Variants in CDKAL1 observed in about 807,000 individuals in gnomAD.
CDKAL1 encodes threonylcarbamoyladenosine tRNA methylthiotransferase.
A neutral mutation model predicts 68.2 loss-of-function variants in CDKAL1; 32 were observed. The ratio of observed to expected loss-of-function variants is 0.47; its 90% CI spans 0.35 to 0.63. The LOEUF is 0.63. CDKAL1 is among the 30% of genes least tolerant of loss of function. The pLI is 0.00. For missense variants in CDKAL1, 606 were observed against 696.7 expected, an observed-to-expected ratio of 0.87 and a Z score of 1.47; for synonymous variants, 234 against 244.3, an observed-to-expected ratio of 0.96 and a Z score of 0.39.
chr6:20,591,388 T>C (rs1765585682), intron 4 of CDKAL1, among the ~76,000 whole-genome samples: 1 of 152,200 alleles, frequency 6.6e-6, no homozygotes, highest in African/African-American at 2.4e-5. Flanking sequence ...TTGGCTTTTG[T>C]TGTCATTGCT....
chr6:20,862,395 A>T (rs1759678279), intron 9 of CDKAL1, among the ~76,000 whole-genome samples: 1 of 152,238 alleles, frequency 6.6e-6, no homozygotes, highest in East Asian at 1.9e-4. Context: ...ACTTACTCTT[A>T]TCCAACCTCA....
chr6:20,898,952 A>G (rs1761828829), intron 9 of CDKAL1, among the ~76,000 whole-genome samples: 2 of 152,112 alleles, frequency 1.3e-5, no homozygotes, highest in South Asian at 4.1e-4. Context: ...TTTTATTTGT[A>G]TAGAAATGGA....
At chr6:20,802,598 A>T (rs960887949) in intron 8 of CDKAL1, among the ~76,000 whole-genome samples, 2 of 152,160 alleles carry the variant, frequency 1.3e-5, no homozygotes, top group Non-Finnish European at 2.9e-5. Context: ...AAGAACATAT[A>T]TATGTTCTTC....
At chr6:20,935,313 G>T (rs571337764) in intron 9 of CDKAL1, among the ~76,000 whole-genome samples, 6 of 152,186 alleles carry the variant, frequency 3.9e-5, no homozygotes, top group African/African-American at 1.4e-4. Flanking sequence ...ATTATGATAG[G>T]CATAGTTTAC....
intron 5 of CDKAL1, among the ~76,000 whole-genome samples, chr6:20,676,904 T>A (rs1207463350): frequency 2.0e-5 from 3 of 152,054 alleles, no homozygotes; most frequent in Non-Finnish European, 4.4e-5. Context: ...GTAAGTACAC[T>A]TGAGGAATGA....
intron 8 of CDKAL1, among the ~76,000 whole-genome samples, chr6:20,843,911 C>T (rs1239037300): frequency 6.6e-6 from 1 of 152,068 alleles, no homozygotes; most frequent in Non-Finnish European, 1.5e-5. Context: ...GGGTGAATGC[C>T]AGTCATACGT....
chr6:20,986,095 C>G (rs1561938442), intron 10 of CDKAL1, among the ~76,000 whole-genome samples: 1 of 152,114 alleles, frequency 6.6e-6, no homozygotes. Context: ...TCAGATTTCT[C>G]TCTCCTGTTA....
chr6:20,921,978 T>A (rs1024506027), intron 9 of CDKAL1, among the ~76,000 whole-genome samples: 4 of 152,200 alleles, frequency 2.6e-5, no homozygotes, highest in African/African-American at 9.7e-5. Context: ...CTTAGTTTAT[T>A]TGTGTGCTGT....
At chr6:21,060,739 CT>C (rs998159873) in intron 11 of CDKAL1, among the ~76,000 whole-genome samples, 2 of 152,078 alleles carry the variant, frequency 1.3e-5, no homozygotes, top group East Asian at 1.9e-4. Context: ...TTTTTCTCCC[CT>C]ACCTACCTCA....
intron 12 of CDKAL1, among the ~76,000 whole-genome samples, chr6:21,088,748 T>A (rs929766581): frequency 6.6e-6 from 1 of 151,764 alleles, no homozygotes; most frequent in Non-Finnish European, 1.5e-5. Flanking sequence ...TCAAGACCAG[T>A]CTGGCCAATA....
chr6:20,774,957 T>G (rs1405881911), intron 7 of CDKAL1, among the ~76,000 whole-genome samples: 2 of 152,206 alleles, frequency 1.3e-5, no homozygotes, highest in African/African-American at 4.8e-5. Flanking sequence ...CAGAGAGATG[T>G]TTATTAAAGC....
intron 5 of CDKAL1, among the ~76,000 whole-genome samples, chr6:20,724,621 C>T (rs1772557394): frequency 6.6e-6 from 1 of 151,986 alleles, no homozygotes; most frequent in Admixed American, 6.5e-5. Flanking sequence ...GGAGGCTGAG[C>T]CTGGGGGGCG....
chr6:20,557,031 G>A (rs1764071820), intron 4 of CDKAL1, among the ~76,000 whole-genome samples: 1 of 98,520 alleles, frequency 1.0e-5, no homozygotes, highest in Admixed American at 1.4e-4. Context: ...GAAAGAACGA[G>A]TCTCCATCTC....
At chr6:21,220,446 C>T (rs1171482030) in intron 15 of CDKAL1, among the ~76,000 whole-genome samples, 1 of 152,172 alleles carries the variant, frequency 6.6e-6, no homozygotes, top group African/African-American at 2.4e-5. Context: ...AAATGTATCT[C>T]CAGCTAAGGT....
At chr6:20,851,248 G>T (rs536244076) in intron 9 of CDKAL1, among the ~76,000 whole-genome samples, 2 of 152,266 alleles carry the variant, frequency 1.3e-5, no homozygotes, top group Admixed American at 1.3e-4. Flanking sequence ...TGGGGGCTGA[G>T]TTTGCTGGGT....
At chr6:21,155,178 T>G (rs1040595604) in intron 13 of CDKAL1, among the ~76,000 whole-genome samples, 6 of 152,314 alleles carry the variant, frequency 3.9e-5, no homozygotes, top group South Asian at 2.1e-4. Context: ...TTCCTCAAAA[T>G]CCTTTAGAAA....
At chr6:20,952,716 A>G (rs959170567) in intron 9 of CDKAL1, among the ~76,000 whole-genome samples, 9 of 152,214 alleles carry the variant, frequency 5.9e-5, no homozygotes, top group Non-Finnish European at 1.0e-4. Flanking sequence ...ATGTGTCCCA[A>G]TGTGTGTCCA....
chr6:20,759,505 G>A (rs1774375401), intron 7 of CDKAL1, among the ~76,000 whole-genome samples: 1 of 152,148 alleles, frequency 6.6e-6, no homozygotes, highest in Admixed American at 6.5e-5. Context: ...TTGCACCATT[G>A]CACTCCAGCC....
chr6:20,983,131 T>G (rs1316107725), intron 10 of CDKAL1, among the ~76,000 whole-genome samples: 4 of 152,286 alleles, frequency 2.6e-5, no homozygotes, highest in African/African-American at 9.6e-5. Context: ...TGAAAACAAT[T>G]TAAGTAGAAC....
Sources: gnomAD v4.1 joint callset for allele counts (sites outside exome capture counted in the v4.1 genomes callset) on GRCh38, gnomAD v4.1.1 for gene constraint, MANE v1.5 for transcripts, NCBI Gene and HGNC (gene_info 2026-07-23, HGNC 2026-07-21) for gene names.